PIWIL4: variants seen among roughly 807,000 people sequenced by gnomAD.
The protein encoded by PIWIL4 is piwi like RNA-mediated gene silencing 4.
PIWIL4 carries 50 observed loss-of-function variants against 100.9 expected under a neutral mutation model. That is an observed-to-expected ratio of 0.50 (90% confidence interval 0.39 to 0.63). PIWIL4 has a LOEUF of 0.63. PIWIL4 is among the 20% of genes least tolerant of loss of function. The pLI is 0.00. For missense variants in PIWIL4, 887 were observed against 1,043.3 expected (o/e 0.85, Z 2.06); for synonymous variants, 342 against 367.5 (o/e 0.93, Z 0.79).
At chr11:94,590,799 C>A (rs7107978) in intron 8 of PIWIL4, among the ~76,000 whole-genome samples, 2 of 152,090 alleles carry the variant, frequency 1.3e-5, no homozygotes, top group East Asian at 3.9e-4. Flanking sequence ...CAGGCCATCT[C>A]GTGGATCCCC....
At chr11:94,615,162 C>T (rs559162219) in intron 15 of PIWIL4, among the ~76,000 whole-genome samples, 81 of 152,250 alleles carry the variant, frequency 5.3e-4, no homozygotes, top group African/African-American at 1.9e-3. Flanking sequence ...CTTTCCTGCC[C>T]CCAGACTCTC....
intron 8 of PIWIL4, among the ~76,000 whole-genome samples, chr11:94,589,548 C>A (rs1214043803): frequency 6.6e-6 from 1 of 152,176 alleles, no homozygotes; most frequent in Non-Finnish European, 1.5e-5. Flanking sequence ...GTTTCCAAAT[C>A]TCCTTATGAT....
chr11:94,597,753 T>A lies in PIWIL4; in HGVS notation c.1269-51T>A, dbSNP rs776275326. The A allele has an allele frequency of 3.8e-6, 5 of 1,318,300 alleles. No individual in the cohort carries two copies. In the South Asian group the frequency reaches 3.8e-5, roughly 10 times the overall value. 81.7% of individuals were successfully genotyped at this position (1,318,300 alleles called of 1,614,324 possible). ...GAAAATCAGCCCCTGACGAATTCAG[T>A]AAGTTATAATTATATCTCTCTTTAA... On this transcript the variant is annotated intron_variant, in intron 10 of 19. Transcript: ENST00000299001.
rs1442738674 is a variant in PIWIL4 at position 94,577,221 on chromosome 11, A to G, written c.299-57A>G. The G allele has an allele frequency of 2.9e-6, 4 of 1,366,184 alleles. No individual in the cohort carries two copies. The East Asian group carries it at 9.2e-5, about 32-fold the overall frequency. The allele number at this position is 1,366,184 out of a possible 1,614,324, so 84.6% of individuals were successfully genotyped here. A position where few individuals can be genotyped will look rare whatever the true frequency, so the allele number is the denominator to read the frequency against. ...AATACATTTTTAAATGGTGTGATTA[A>G]TATTAACATGATGTGATTTCCTGAT... On this transcript the variant is annotated intron_variant, in intron 3 of 19. Transcript: ENST00000299001.
chr11:94,618,098 C>A lies in PIWIL4; in HGVS notation c.2159C>A (p.Ser720Ter). Residue 720 changes from serine to a stop codon, truncating the protein, a stop_gained, in exon 17 of 20, where the codon TCA (serine) becomes TAA (stop). Coordinates refer to ENST00000299001, the MANE Select transcript of PIWIL4 (RefSeq NM_152431.3). LOFTEE classifies it high-confidence loss of function. ...CTGAGCAGTGTGGCAGAATCCAGCT[C>A]AAATACCAGGTATTCAATTATTGTT... Reference protein sequence around the residue: ...QLLSSVAESSSNTSSRLSVIV... With the variant: ...QLLSSVAESS 1 of 1,569,022 alleles carries A rather than the reference C, an allele frequency of 6.4e-7. No individual in the cohort carries two copies. Among genetic ancestry groups the A allele is most frequent in the South Asian group, 1.2e-5 (1 of 84,434 alleles).
chr11:94,585,381 T>G, intron 5 of PIWIL4, 64 bp from the exon 6 acceptor site: 2 of 1,178,318 alleles, frequency 1.7e-6, no homozygotes, highest in Non-Finnish European at 2.5e-6. Context: ...AGTAAGGGTT[T>G]GAACTTAGAA....
chr11:94,582,493 G>A (rs1591781842), intron 4 of PIWIL4, among the ~76,000 whole-genome samples: 1 of 152,316 alleles, frequency 6.6e-6, no homozygotes, highest in Middle Eastern at 3.4e-3. Flanking sequence ...CAACCATACT[G>A]TAGCTGTAGA....
chr11:94,593,199 G>T (rs1282205693), intron 8 of PIWIL4, among the ~76,000 whole-genome samples: 7 of 152,202 alleles, frequency 4.6e-5, no homozygotes, highest in African/African-American at 1.7e-4. Context: ...AGAAATGCTG[G>T]CTCTGAGTCA....
chr11:94,574,511 T>C (rs139738723), intron 2 of PIWIL4, among the ~76,000 whole-genome samples: 2 of 152,314 alleles, frequency 1.3e-5, no homozygotes, highest in East Asian at 3.9e-4. Context: ...GATCTGTTTT[T>C]GTTTTTGTGA....
intron 15 of PIWIL4, among the ~76,000 whole-genome samples, chr11:94,610,029 C>G (rs191239949): frequency 1.2e-3 from 189 of 152,234 alleles, no homozygotes; most frequent in African/African-American, 4.3e-3. Context: ...CAAACAACAT[C>G]AAATATTCCT....
intron 15 of PIWIL4, among the ~76,000 whole-genome samples, chr11:94,615,329 T>C (rs1418189404): frequency 2.0e-5 from 3 of 152,216 alleles, no homozygotes; most frequent in African/African-American, 7.2e-5. Context: ...TGATGTGATC[T>C]GTCATGGCAC....
chr11:94,584,653 G>A (rs930213830), intron 5 of PIWIL4, among the ~76,000 whole-genome samples: 1 of 152,150 alleles, frequency 6.6e-6, no homozygotes, highest in Non-Finnish European at 1.5e-5. Flanking sequence ...CAGTTGAAAC[G>A]CGTTTCCTGA....
intron 17 of PIWIL4, among the ~76,000 whole-genome samples, chr11:94,619,344 AAG>A (rs1452315675): frequency 1.3e-5 from 2 of 152,180 alleles, no homozygotes. Flanking sequence ...GAGGAATAGG[AAG>A]AACTTGTGGT....
Position 94,607,656 on chromosome 11 carries a change from A to AT in PIWIL4, c.1839+23dup. On this transcript the variant is annotated intron_variant, in intron 14 of 19. Transcript: ENST00000299001. ...GAAATACCTGTAAGGACCCTGTCAC[A>AT]TTTTTTCTATTAGTAATTAATAAAT... The AT allele has an allele frequency of 1.3e-6, 2 of 1,598,680 alleles. No individual in the cohort carries two copies. Among genetic ancestry groups the AT allele is most frequent in the Non-Finnish European group, 1.7e-6 (2 of 1,170,882 alleles).
intron 15 of PIWIL4, among the ~76,000 whole-genome samples, chr11:94,616,020 C>T (rs949829100): frequency 2.6e-5 from 4 of 152,320 alleles, no homozygotes; most frequent in African/African-American, 9.6e-5. Flanking sequence ...AATATTTTGA[C>T]AGTAGAAGCT....
At chr11:94,588,509 G>T (rs888291674) in intron 7 of PIWIL4, among the ~76,000 whole-genome samples, 1 of 152,174 alleles carries the variant, frequency 6.6e-6, no homozygotes, top group African/African-American at 2.4e-5. Context: ...ATCTTGGAAA[G>T]AATCAAAAGC....
At chr11:94,600,342 G>T (rs2135280993) in intron 11 of PIWIL4, among the ~76,000 whole-genome samples, 1 of 152,234 alleles carries the variant, frequency 6.6e-6, no homozygotes, top group South Asian at 2.1e-4. Flanking sequence ...AGAAATAAAG[G>T]GACAGAGTAC....
intron 16 of PIWIL4, 92 bp from the exon 17 acceptor site, chr11:94,617,862 C>T (rs1948862890): frequency 7.1e-7 from 1 of 1,402,462 alleles, no homozygotes. Context: ...TCTGAAATAG[C>T]AAACCCATTT....
intron 5 of PIWIL4, among the ~76,000 whole-genome samples, chr11:94,585,219 A>C (rs1035683138): frequency 6.6e-6 from 1 of 152,370 alleles, no homozygotes; most frequent in African/African-American, 2.4e-5. Flanking sequence ...AGCTAAACCC[A>C]GACAGATAAA....
Sources: gnomAD v4.1 joint callset for allele counts (sites outside exome capture counted in the v4.1 genomes callset) on GRCh38, gnomAD v4.1.1 for gene constraint, MANE v1.5 for transcripts, NCBI Gene and HGNC (gene_info 2026-07-23, HGNC 2026-07-21) for gene names.